The following INO80 variants were observed in gnomAD, a reference collection of about 807,000 sequenced individuals.
The protein encoded by INO80 is INO80 complex ATPase subunit, also known as chromatin-remodeling ATPase INO80.
A neutral mutation model predicts 203.4 loss-of-function variants in INO80; 20 were observed. The ratio of observed to expected loss-of-function variants is 0.10; its 90% CI spans 0.07 to 0.14. The LOEUF (loss-of-function observed/expected upper bound fraction) is 0.14. INO80 is among the 10% of genes least tolerant of loss of function. The pLI is 1.00. For synonymous variants in INO80, 726 were observed against 685.2 expected (o/e 1.06, Z -0.93); for missense variants, 1,419 against 1,914.4 (o/e 0.74, Z 4.83).
intron 1 of INO80, among the ~76,000 whole-genome samples, chr15:41,104,054 A>T (rs1205172571): frequency 6.6e-6 from 1 of 151,892 alleles, no homozygotes; most frequent in African/African-American, 2.4e-5. Flanking sequence ...CCTCGTCTCT[A>T]CTAAAAATAC....
At chr15:41,032,073 G>GCACAGC (rs1566919782) in intron 24 of INO80, among the ~76,000 whole-genome samples, 14 of 52,438 alleles carry the variant, frequency 2.7e-4, no homozygotes, top group South Asian at 2.3e-3. Flanking sequence ...GACAGCACAG[G>GCACAGC]ACAGCACAGC....
rs1232624546 is a variant in INO80, at chr15:41,049,322, A to G, written c.2541T>C (p.His847=). The change falls in exon 21 of 36, where the codon CAT becomes CAC. Residue 847 remains histidine, a synonymous_variant. Transcript: ENST00000648947. ...PYHISKFIYR[H]GQIRVFNHSR... ...AATGATTGAAGACCCTGATCTGTCC[A>G]TGACGGTAGATAAACTTTGAAATGT... 6 of 1,613,910 alleles carry G rather than the reference A, an allele frequency of 3.7e-6. No individual in the cohort carries two copies. Among genetic ancestry groups the G allele is most frequent in the Non-Finnish European group, 5.1e-6 (6 of 1,179,754 alleles).
At chr15:41,048,893 GT>G (rs1425277785) in intron 21 of INO80, among the ~76,000 whole-genome samples, 1 of 152,128 alleles carries the variant, frequency 6.6e-6, no homozygotes, top group African/African-American at 2.4e-5. Context: ...TAAATTTATC[GT>G]TGCTGACTCT....
chr15:41,039,939 T>C (rs1002647943), intron 24 of INO80, among the ~76,000 whole-genome samples: 1 of 152,138 alleles, frequency 6.6e-6, no homozygotes, highest in Admixed American at 6.5e-5. Flanking sequence ...CAAAATAGCA[T>C]ACAGACATTG....
intron 24 of INO80, among the ~76,000 whole-genome samples, chr15:41,035,360 A>C (rs2044552358): frequency 6.6e-6 from 1 of 152,034 alleles, no homozygotes; most frequent in Admixed American, 6.6e-5. Flanking sequence ...GAATCCCTTG[A>C]GGCCAAAATC....
intron 28 of INO80, among the ~76,000 whole-genome samples, chr15:41,000,940 T>C (rs184926729): frequency 6.6e-6 from 1 of 152,106 alleles, no homozygotes; most frequent in African/African-American, 2.4e-5. Context: ...TGCCTTGTGA[T>C]GATGAGGTAG....
At position 40,982,929 on chromosome 15, in the gene INO80, T is replaced by G. The variant is rs747327904; in HGVS notation, c.4386A>C (p.Gly1462=). 15 of 1,613,922 alleles carry G rather than the reference T, an allele frequency of 9.3e-6. No individual in the cohort carries two copies. In the Admixed American group the frequency reaches 2.5e-4, roughly 27 times the overall value. The change falls in exon 35 of 36, where the codon GGA becomes GGC. Residue 1462 remains glycine (G), a synonymous_variant. Coordinates refer to ENST00000648947, the MANE Select transcript of INO80 (RefSeq NM_017553.3). The stretch of plus-strand genomic sequence containing the variant: ...AGGCCGCTGCAGCCCCGGCTTTGGC[T>G]CCTGCCATTGCAGCAGCACTGCCTG... The part of the protein sequence containing the change: ...STAGSAAAMA[G]AKAGAAAASA...
chr15:41,047,064 T>G (rs934496230), intron 23 of INO80, among the ~76,000 whole-genome samples: 1 of 151,626 alleles, frequency 6.6e-6, no homozygotes, highest in Non-Finnish European at 1.5e-5. Context: ...ACTTCCCAGG[T>G]TCAAGCAATT....
Position 41,080,582 on chromosome 15 carries a change from G to A in INO80, c.927+438C>T, listed in dbSNP as rs182279411. 1.5e-4 allele frequency among the ~76,000 whole-genome samples: 23 copies of A among 152,318 alleles called. No individual in the cohort carries two copies. In the East Asian group the frequency reaches 2.9e-3, roughly 19 times the overall value. On this transcript the variant is annotated intron_variant, in intron 8 of 35. Coordinates refer to ENST00000648947, the MANE Select transcript of INO80 (RefSeq NM_017553.3). ...TTTAATAAACAGATTGAGGCCGGGC[G>A]CGGTGGCTCATGCCTGTAATCCTAG...
intron 13 of INO80, 28 bp downstream of exon 13, chr15:41,070,439 T>C (rs777460416): frequency 4.4e-6 from 7 of 1,580,490 alleles, no homozygotes; most frequent in South Asian, 1.1e-5. Flanking sequence ...TCTAGAGAAA[T>C]GAAGATAGAA....
At chr15:41,007,158 C>A (rs1199520375) in intron 27 of INO80, among the ~76,000 whole-genome samples, 1 of 149,170 alleles carries the variant, frequency 6.7e-6, no homozygotes. Context: ...AGGCTTCCTG[C>A]ACAGGCACTC....
intron 1 of INO80, among the ~76,000 whole-genome samples, chr15:41,096,593 G>A (rs1385016509): frequency 1.3e-5 from 2 of 152,136 alleles, no homozygotes; most frequent in African/African-American, 4.8e-5. Flanking sequence ...ATTTCACAAT[G>A]AAAATTCATA....
chr15:40,997,995 A>G (rs1031004294), intron 28 of INO80, among the ~76,000 whole-genome samples: 5 of 149,884 alleles, frequency 3.3e-5, no homozygotes, highest in African/African-American at 1.2e-4. Flanking sequence ...CTGGGGACTA[A>G]TGTTATTATT....
At chr15:41,104,431 T>C (rs1474033185) in intron 1 of INO80, among the ~76,000 whole-genome samples, 1 of 152,158 alleles carries the variant, frequency 6.6e-6, no homozygotes, top group East Asian at 1.9e-4. Context: ...ATGGTAAATG[T>C]ATGCTTCAGA....
chr15:41,058,551 CTG>C (rs371784387), intron 16 of INO80, 86 bp downstream of exon 16: 28,191 of 798,072 alleles, frequency 0.035, 73 homozygotes, highest in South Asian at 0.04. Flanking sequence ...ATATACAAGT[CTG>C]TGTGTGTGTG....
intron 7 of INO80, among the ~76,000 whole-genome samples, chr15:41,084,420 A>G (rs1020955049): frequency 1.3e-5 from 2 of 152,022 alleles, no homozygotes; most frequent in Non-Finnish European, 2.9e-5. Context: ...TTAGCTGGGC[A>G]TGGTGGCATC....
chr15:41,026,776 G>A (rs762500163), intron 25 of INO80, among the ~76,000 whole-genome samples: 29 of 152,294 alleles, frequency 1.9e-4, no homozygotes, highest in Admixed American at 9.8e-4. Context: ...GCCACAGTTC[G>A]ATTATTTCCC....
chr15:41,003,232 T>C (rs1207363820), intron 28 of INO80, among the ~76,000 whole-genome samples: 1 of 151,690 alleles, frequency 6.6e-6, no homozygotes, highest in Non-Finnish European at 1.5e-5. Context: ...ATCCCACCTA[T>C]AATATAATAG....
chr15:41,020,076 C>A (rs1189699644), intron 26 of INO80, among the ~76,000 whole-genome samples: 1 of 152,102 alleles, frequency 6.6e-6, no homozygotes, highest in African/African-American at 2.4e-5. Flanking sequence ...AAAAAATTAG[C>A]CAGGCGTGGT....
Sources: allele counts gnomAD v4.1 joint callset (sites outside exome capture counted in the v4.1 genomes callset), GRCh38; gene constraint gnomAD v4.1.1; transcripts MANE v1.5; gene names NCBI Gene and HGNC (gene_info 2026-07-23, HGNC 2026-07-21).